Variants in TRIM29 observed in about 807,000 individuals in gnomAD.
TRIM29 encodes the protein tripartite motif-containing protein 29.
TRIM29 carries 52 observed loss-of-function variants against 57.3 expected under a neutral mutation model. The ratio of observed to expected loss-of-function variants is 0.91; its 90% CI spans 0.73 to 1.14. The LOEUF (loss-of-function observed/expected upper bound fraction) is 1.14, where lower values mean the gene tolerates loss of function less well. Among genes scored for constraint, TRIM29 ranks in the 50% most tolerant of loss-of-function variants. TRIM29 has a pLI of 0.00. For missense variants in TRIM29, 753 were observed against 774.6 expected (o/e 0.97, Z 0.33); for synonymous variants, 319 against 316.9 (o/e 1.01, Z -0.07).
chr11:120,135,299 C>T (rs1350339938), intron 1 of TRIM29, among the ~76,000 whole-genome samples: 1 of 152,164 alleles, frequency 6.6e-6, no homozygotes, highest in Non-Finnish European at 1.5e-5. Context: ...TTACCCCCTC[C>T]TCATCCTGAG....
At chr11:120,127,789 A>G (rs1213470913) in intron 2 of TRIM29, among the ~76,000 whole-genome samples, 1 of 151,994 alleles carries the variant, frequency 6.6e-6, no homozygotes, top group African/African-American at 2.4e-5. Flanking sequence ...CACGCTTCTT[A>G]TCTACCTGTG....
At chr11:120,129,991 G>GA (rs1354225046) in intron 1 of TRIM29, among the ~76,000 whole-genome samples, 4 of 152,132 alleles carry the variant, frequency 2.6e-5, no homozygotes, top group Non-Finnish European at 4.4e-5. Context: ...CCCATCTCTG[G>GA]AAAAAAGTCT....
At chr11:120,131,710 G>A (rs941583788) in intron 1 of TRIM29, among the ~76,000 whole-genome samples, 1 of 151,296 alleles carries the variant, frequency 6.6e-6, no homozygotes, top group African/African-American at 2.4e-5. Context: ...CTACCCTGTC[G>A]GGGGAGGAGC....
In TRIM29 at chr11:120,122,395, G is replaced by T. The variant is rs117478544; in HGVS notation, c.1435+559C>A. Among the ~76,000 whole-genome samples the T allele has an allele frequency of 3.5e-4, 54 of 152,290 alleles. 1 individual carries two copies. The East Asian group carries it at 9.7e-3, about 27-fold the overall frequency. On this transcript the variant is annotated intron_variant, in intron 5 of 8. Transcript: ENST00000341846. ...CACAGGGCAAGGACAGGCAGGCACT[G>T]GTCTGTGCTAGGCCGGCACCTTGCA...
intron 7 of TRIM29, chr11:120,116,862 A>G: frequency 3.6e-6 from 1 of 280,818 alleles, no homozygotes; most frequent in Non-Finnish European, 7.1e-6. Flanking sequence ...TCTGGGGAGA[A>G]GGGACCGGCA....
intron 4 of TRIM29, 121 bp downstream of exon 4, chr11:120,125,570 G>GAC: frequency 9.8e-7 from 1 of 1,021,434 alleles, no homozygotes; most frequent in South Asian, 1.6e-5. Context: ...AGGAAGGGTG[G>GAC]GTGGGTGGGT....
chr11:120,115,769 A>G, intron 7 of TRIM29: 1 of 247,718 alleles, frequency 4.0e-6, no homozygotes, highest in Non-Finnish European at 7.9e-6. Context: ...TCCCCTTCCC[A>G]GAGCCCAGGA....
intron 1 of TRIM29, among the ~76,000 whole-genome samples, chr11:120,132,995 A>G (rs1204351168): frequency 6.6e-6 from 1 of 152,170 alleles, no homozygotes; most frequent in African/African-American, 2.4e-5. Context: ...ACAGAGAGTT[A>G]GCACCCCCCT....
Position 120,137,274 on chromosome 11 carries a change from T to C in TRIM29, c.758A>G (p.Lys253Arg). 1 of 1,614,188 alleles carries C rather than the reference T, an allele frequency of 6.2e-7. No individual in the cohort carries two copies. The highest frequency in any genetic ancestry group is 1.1e-5 in the South Asian group (1 of 91,080). Residue 253 changes from lysine to arginine, a missense_variant, in exon 1 of 9, where the codon AAG (lysine) becomes AGG (arginine). Physicochemically the swap from Lys to Arg is conservative, Grantham distance 26. Transcript: ENST00000341846. This position sits in a 1 kb window ranked among gnomAD's most constrained non-coding sequence, Gnocchi z 6.2. Reference sequence around the variant, plus strand: ...CTCCACTGTCACGGTGCTATGATTCTTGTGCTCCTGGAACATGCAAAGGTA... The same window carrying C: ...CTCCACTGTCACGGTGCTATGATTCCTGTGCTCCTGGAACATGCAAAGGTA... Reference protein sequence around the residue: ...ICYLCMFQEHKNHSTVTVEEA... With the variant: ...ICYLCMFQEHRNHSTVTVEEA...
chr11:120,117,874 T>A, intron 7 of TRIM29: 5 of 249,364 alleles, frequency 2.0e-5, no homozygotes, highest in South Asian at 1.5e-4. Flanking sequence ...ACGCTGGGAG[T>A]TAAATAAACT....
intron 1 of TRIM29, among the ~76,000 whole-genome samples, chr11:120,130,935 C>T (rs561571228): frequency 1.3e-5 from 2 of 152,152 alleles, no homozygotes; most frequent in African/African-American, 4.8e-5. Context: ...GTACACTGTC[C>T]GGACACAGAG....
rs778569947 is a variant in TRIM29, at chr11:120,137,919, T to C, written c.113A>G (p.Lys38Arg). ...GTGCCCGTTGGTGGTCTTGGCATCC[T>C]TGCCGTCAGCCTTGGTGCCATTCTC... ...SLENGTKADG[K>R]DAKTTNGHGG... is the part of the protein sequence containing the mutation. The change falls in exon 1 of 9, where the codon AAG becomes AGG. Residue 38 changes from lysine (K) to arginine (R), a missense_variant. Transcript: ENST00000341846. This position sits in a 1 kb window ranked among gnomAD's most constrained non-coding sequence, Gnocchi z 6.2. 7.5e-6 allele frequency: 12 copies of C among 1,610,066 alleles called. No individual in the cohort carries two copies. The South Asian group carries it at 1.2e-4, about 16-fold the overall frequency.
chr11:120,135,551 C>T (rs1863799608), intron 1 of TRIM29, among the ~76,000 whole-genome samples: 1 of 152,146 alleles, frequency 6.6e-6, no homozygotes, highest in Non-Finnish European at 1.5e-5. Flanking sequence ...TCTAACCTCC[C>T]AAGTAAACTC....
At chr11:120,125,351 G>C (rs1242566306) in intron 4 of TRIM29, 4 of 320,152 alleles carry the variant, frequency 1.2e-5, no homozygotes, top group African/African-American at 2.1e-5. Context: ...CATCCACACA[G>C]CTGCTGGGCT....
intron 5 of TRIM29, among the ~76,000 whole-genome samples, 184 bp downstream of exon 5, chr11:120,122,770 A>G (rs1360631284): frequency 6.6e-6 from 1 of 152,244 alleles, no homozygotes; most frequent in Middle Eastern, 3.4e-3. Flanking sequence ...CACTTCTGAG[A>G]GCTAACACAG....
chr11:120,137,954 A>C lies in TRIM29; in HGVS notation c.78T>G (p.Ser26Arg), dbSNP rs781409055. 8 of 1,607,282 alleles carry C rather than the reference A, an allele frequency of 5.0e-6. No homozygotes were observed. The highest frequency in any genetic ancestry group is 5.9e-6 in the Non-Finnish European group (7 of 1,179,972). ...CCTTGGTGCCATTCTCCAGGCTGCC[A>C]CTGGGGCCCGACGGGCTCCGGGCAT... The part of the protein sequence containing the change: ...ARDARSPSGP[S>R]GSLENGTKAD... Residue 26 changes from serine to arginine, a missense_variant, in exon 1 of 9, where the codon AGT becomes AGG. Coordinates refer to ENST00000341846, the MANE Select transcript of TRIM29 (RefSeq NM_012101.4). The surrounding 1 kb of genome is among the most constrained non-coding windows in gnomAD (Gnocchi z 6.2).
At chr11:120,134,377 G>A (rs903971233) in intron 1 of TRIM29, among the ~76,000 whole-genome samples, 4 of 152,166 alleles carry the variant, frequency 2.6e-5, no homozygotes, top group African/African-American at 7.2e-5. Flanking sequence ...ACTGGCCTGC[G>A]GAACGGGTTC....
chr11:120,137,431 G>T lies in TRIM29; in HGVS notation c.601C>A (p.Pro201Thr). 1 of 1,608,556 alleles carries T rather than the reference G, an allele frequency of 6.2e-7. No homozygotes were observed. Among genetic ancestry groups the T allele is most frequent in the Non-Finnish European group, 8.5e-7 (1 of 1,179,984 alleles). The change falls in exon 1 of 9, where the codon CCC (proline) becomes ACC (threonine). Residue 201 changes from proline to threonine, a missense_variant. Transcript: ENST00000341846. This position sits in a 1 kb window ranked among gnomAD's most constrained non-coding sequence, Gnocchi z 6.2. ...CGGAAGGCGGCGCCCTCCAGGTGGG[G>T]CTTGAGATGCAGCTCGCAGAAGGAG... Reference protein sequence around the residue: ...QASFCELHLKPHLEGAAFRDH... With the variant: ...QASFCELHLKTHLEGAAFRDH...
intron 1 of TRIM29, among the ~76,000 whole-genome samples, chr11:120,133,044 C>G (rs1411362177): frequency 6.6e-6 from 1 of 152,188 alleles, no homozygotes; most frequent in Non-Finnish European, 1.5e-5. Flanking sequence ...GACGCAGGCA[C>G]AGTGGGAACC....
Sources: allele counts gnomAD v4.1 joint callset (sites outside exome capture counted in the v4.1 genomes callset), GRCh38; gene constraint gnomAD v4.1.1; non-coding constraint Gnocchi (gnomAD v3.1); transcripts MANE v1.5; gene names NCBI Gene and HGNC (gene_info 2026-07-23, HGNC 2026-07-21).